The following SULF1 variants were observed in gnomAD, a reference collection of about 807,000 sequenced individuals.
The protein encoded by SULF1 is extracellular sulfatase Sulf-1.
In SULF1, 46 loss-of-function variants were observed where a neutral mutation model predicts 110.5. The observed-to-expected ratio is 0.42, with a 90% confidence interval of 0.33 to 0.53. The LOEUF (loss-of-function observed/expected upper bound fraction) is 0.53. Among genes scored for constraint, SULF1 ranks in the 20% least tolerant of loss-of-function variants. The probability of loss-of-function intolerance (pLI) is 0.12; values close to 1 mark genes in which losing one functional copy is unlikely to be tolerated. For missense variants in SULF1, 941 were observed against 1,094.2 expected (o/e 0.86, Z 1.98); for synonymous variants, 371 against 387.1 (o/e 0.96, Z 0.49).
intron 22 of SULF1, among the ~76,000 whole-genome samples, chr8:69,652,730 A>G (rs1019793090): frequency 5.9e-5 from 9 of 152,210 alleles, no homozygotes; most frequent in African/African-American, 1.4e-4. Context: ...TGGCCCTTCA[A>G]AGGTGGCCAA....
At chr8:69,527,476 C>T (rs896261671) in intron 3 of SULF1, among the ~76,000 whole-genome samples, 3 of 151,968 alleles carry the variant, frequency 2.0e-5, no homozygotes, top group African/African-American at 7.3e-5. Context: ...GCAGAGAGGA[C>T]GAAAGACTTC....
chr8:69,495,945 T>G lies in SULF1; in HGVS notation c.-229+19T>G, dbSNP rs928681816. 6.6e-6 allele frequency: 1 copy of G among 152,224 alleles called. No individual in the cohort carries two copies. Among genetic ancestry groups the G allele is most frequent in the African/African-American group, 2.4e-5 (1 of 41,464 alleles). The allele number at this position is 152,224 out of a possible 1,614,324, so 9.4% of individuals were successfully genotyped here. A position where few individuals can be genotyped will look rare whatever the true frequency, so the allele number is the denominator to read the frequency against. On this transcript the variant is annotated intron_variant, in intron 2 of 22. Coordinates refer to ENST00000402687, the MANE Select transcript of SULF1 (RefSeq NM_001128205.2). ...TGGAGAGGTGGGTAACATTCGCAAA[T>G]TTTTTAAAGATGACAACTGGAAGAA... is the stretch of plus-strand genomic sequence containing the variant.
At chr8:69,581,110 G>A (rs1008033219) in intron 6 of SULF1, among the ~76,000 whole-genome samples, 5 of 152,148 alleles carry the variant, frequency 3.3e-5, no homozygotes, top group Non-Finnish European at 7.3e-5. Flanking sequence ...GAAGATTCCT[G>A]TCTTCACTAG....
At chr8:69,529,034 A>G (rs774692507) in intron 3 of SULF1, among the ~76,000 whole-genome samples, 4 of 152,186 alleles carry the variant, frequency 2.6e-5, no homozygotes, top group African/African-American at 7.2e-5. Flanking sequence ...TAAGTGTATT[A>G]CATATACAAA....
chr8:69,587,529 A>G (rs1476438659), intron 7 of SULF1, among the ~76,000 whole-genome samples: 1 of 152,228 alleles, frequency 6.6e-6, no homozygotes, highest in Non-Finnish European at 1.5e-5. Context: ...CAAACTCATG[A>G]AAGTTAAAAG....
intron 1 of SULF1, among the ~76,000 whole-genome samples, chr8:69,480,103 C>A (rs372466263): frequency 1.3e-5 from 2 of 152,084 alleles, no homozygotes; most frequent in Admixed American, 1.3e-4. Context: ...AAACATGCAG[C>A]TTTATCATAG....
At chr8:69,506,728 A>G (rs1319471879) in intron 3 of SULF1, among the ~76,000 whole-genome samples, 1 of 152,192 alleles carries the variant, frequency 6.6e-6, no homozygotes, top group Non-Finnish European at 1.5e-5. Flanking sequence ...TGCTCTTGCC[A>G]TAATGATACA....
At position 69,628,157 on chromosome 8, in the gene SULF1, C is replaced by A. The variant is rs1399041192; in HGVS notation, c.2043-14C>A. The A allele has an allele frequency of 3.7e-6, 6 of 1,608,638 alleles. No homozygotes were observed. The South Asian group carries it at 4.4e-5, about 12-fold the overall frequency. On this transcript the variant is annotated splice_polypyrimidine_tract_variant and intron_variant, in intron 17 of 22. Transcript: ENST00000402687. Reference sequence around the variant, plus strand: ...AGGCTATGAAGTCTCACTTTTTAATCTTCTCTCCTGCAGCTATTACAATAA... The same window carrying A: ...AGGCTATGAAGTCTCACTTTTTAATATTCTCTCCTGCAGCTATTACAATAA...
chr8:69,628,045 C>T (rs1024200532), intron 17 of SULF1, 126 bp from the exon 18 acceptor site: 4 of 945,920 alleles, frequency 4.2e-6, no homozygotes, highest in Admixed American at 4.4e-5. Context: ...TAAAAAGTCA[C>T]ATTCAGCTAA....
intron 22 of SULF1, among the ~76,000 whole-genome samples, chr8:69,651,685 T>C (rs1279679504): frequency 6.6e-6 from 1 of 152,216 alleles, no homozygotes; most frequent in Non-Finnish European, 1.5e-5. Flanking sequence ...TTGGTAAGAA[T>C]GAATCCTTTC....
At chr8:69,582,195 A>G (rs1806118827) in intron 6 of SULF1, among the ~76,000 whole-genome samples, 1 of 152,224 alleles carries the variant, frequency 6.6e-6, no homozygotes. Context: ...GCAGAAAAAA[A>G]AATTAAAACT....
chr8:69,557,038 T>C (rs1815163469), intron 3 of SULF1, among the ~76,000 whole-genome samples: 1 of 152,208 alleles, frequency 6.6e-6, no homozygotes, highest in Non-Finnish European at 1.5e-5. Context: ...TTTCTGTTCC[T>C]ACGTTAGTTT....
chr8:69,533,425 C>T (rs1318640134), intron 3 of SULF1, among the ~76,000 whole-genome samples: 4 of 152,094 alleles, frequency 2.6e-5, no homozygotes, highest in Non-Finnish European at 2.9e-5. Flanking sequence ...CCCAGTGGGC[C>T]CTGGTGTGTG....
At chr8:69,617,416 TA>T (rs1809257117) in intron 13 of SULF1, among the ~76,000 whole-genome samples, 2 of 80,842 alleles carry the variant, frequency 2.5e-5, no homozygotes, top group Non-Finnish European at 4.7e-5. Context: ...TATATATATA[TA>T]TATATATATA....
At chr8:69,532,571 T>C (rs1813159714) in intron 3 of SULF1, among the ~76,000 whole-genome samples, 1 of 152,220 alleles carries the variant, frequency 6.6e-6, no homozygotes, top group Non-Finnish European at 1.5e-5. Flanking sequence ...AAGAAGAGGA[T>C]GCATTGCAAG....
intron 22 of SULF1, among the ~76,000 whole-genome samples, chr8:69,644,129 T>C (rs16919165): frequency 0.043 from 6,515 of 152,254 alleles, 474 homozygotes; most frequent in African/African-American, 0.15. Context: ...TGTAACCACA[T>C]TGCTTTCACT....
At chr8:69,591,889 C>A (rs1245238409) in intron 8 of SULF1, among the ~76,000 whole-genome samples, 1 of 152,154 alleles carries the variant, frequency 6.6e-6, no homozygotes, top group Admixed American at 6.5e-5. Context: ...GTAGTTGTGT[C>A]AGATACCATA....
chr8:69,606,528 C>G (rs556013858), intron 13 of SULF1, among the ~76,000 whole-genome samples: 1 of 152,258 alleles, frequency 6.6e-6, no homozygotes, highest in Admixed American at 6.5e-5. Flanking sequence ...GATCTTGTTA[C>G]TCTTTTAGCT....
intron 3 of SULF1, among the ~76,000 whole-genome samples, chr8:69,534,721 G>T (rs78585238): frequency 1.0e-3 from 153 of 152,152 alleles, no homozygotes; most frequent in African/African-American, 3.5e-3. Context: ...AGTATTTGAA[G>T]GCAATTTGAG....
Sources: gnomAD v4.1 joint callset for allele counts (sites outside exome capture counted in the v4.1 genomes callset) on GRCh38, gnomAD v4.1.1 for gene constraint, MANE v1.5 for transcripts, NCBI Gene and HGNC (gene_info 2026-07-23, HGNC 2026-07-21) for gene names.